The following CASP4 variants were observed in gnomAD, a reference collection of about 807,000 sequenced individuals.
The protein encoded by CASP4 is caspase-4.
CASP4 carries 29 observed loss-of-function variants against 41.3 expected under a neutral mutation model. That is an observed-to-expected ratio of 0.70 (90% CI 0.52 to 0.96). CASP4 has a LOEUF of 0.96. Ranked by LOEUF, CASP4 falls within the 40% of genes least tolerant of loss-of-function variation. The pLI, the probability that CASP4 is intolerant of heterozygous loss-of-function variation, is 0.00. For synonymous variants in CASP4, 185 were observed against 158.4 expected (o/e 1.17, Z -1.26); for missense variants, 447 against 460.6 (o/e 0.97, Z 0.27).
intron 1 of CASP4, among the ~76,000 whole-genome samples, chr11:104,967,451 G>C (rs1253012081): frequency 6.6e-6 from 1 of 152,102 alleles, no homozygotes; most frequent in African/African-American, 2.4e-5. Flanking sequence ...GTTTCAAAAG[G>C]TAGAAAAAAT....
chr11:104,946,862 A>G (rs543956948), intron 7 of CASP4: 24 of 361,566 alleles, frequency 6.6e-5, no homozygotes, highest in Non-Finnish European at 9.6e-5. Flanking sequence ...GCTCCATAAC[A>G]TAAAGCTTAT....
chr11:104,954,358 C>A (rs948102313), intron 2 of CASP4, among the ~76,000 whole-genome samples: 5 of 152,062 alleles, frequency 3.3e-5, no homozygotes, highest in African/African-American at 1.2e-4. Flanking sequence ...CTTAGACGAT[C>A]TTGTGAGAAA....
At chr11:104,954,686 C>A in intron 2 of CASP4, 61 bp downstream of exon 2, 1 of 1,462,250 alleles carries the variant, frequency 6.8e-7, no homozygotes, top group Non-Finnish European at 9.5e-7. Context: ...ACTGCTTAGG[C>A]CTTGGAGTTA....
In CASP4 at chr11:104,967,228, AT is replaced by A. The variant is rs575659861; in HGVS notation, c.7+1290del. ...ACTTGTTTTTGACTAGTGGCTTTCA[AT>A]TTACCCTATCTTTATCTAATGATCC... On this transcript the variant is annotated intron_variant, in intron 1 of 8. Coordinates refer to ENST00000444739, the MANE Select transcript of CASP4 (RefSeq NM_001225.4). Among the ~76,000 whole-genome samples the A allele has an allele frequency of 2.6e-4, 40 of 152,306 alleles. No homozygotes were observed. The East Asian group carries it at 7.0e-3, about 26-fold the overall frequency.
chr11:104,952,002 T>A lies in CASP4; in HGVS notation c.266A>T (p.His89Leu), dbSNP rs750503505. The change falls in exon 3 of 9, where the codon CAT becomes CTT. Residue 89 changes from histidine (H) to leucine (L), a missense_variant. By Grantham distance (99) the His-to-Leu change is moderately conservative. Coordinates refer to ENST00000444739, the MANE Select transcript of CASP4 (RefSeq NM_001225.4). ...IDQISPNKKA[H>L]PNMEAGPPES... is the part of the protein sequence containing the mutation. ...AGGTGGTCCAGCCTCCATATTCGGA[T>A]GAGCTGCAGGATATTGCAGAACATA... The A allele has an allele frequency of 1.1e-5, 17 of 1,594,414 alleles. No homozygotes were observed. The East Asian group carries it at 3.8e-4, about 36-fold the overall frequency.
In CASP4 at chr11:104,965,932, AC is replaced by A. The variant is rs1211158750; in HGVS notation, c.7+2586del. Among the ~76,000 whole-genome samples the A allele has an allele frequency of 3.9e-5, 6 of 152,110 alleles. No homozygotes were observed. The East Asian group carries it at 1.2e-3, about 29-fold the overall frequency. On this transcript the variant is annotated intron_variant, in intron 1 of 8. Coordinates refer to ENST00000444739, the MANE Select transcript of CASP4 (RefSeq NM_001225.4). The stretch of plus-strand genomic sequence containing the variant: ...CTAACCCAACCAGTTCTGCCATCAC[AC>A]CCAGGAAGAGAACACAGCAAGAAAA...
chr11:104,951,676 C>G, intron 3 of CASP4: 3 of 573,008 alleles, frequency 5.2e-6, no homozygotes, highest in Non-Finnish European at 9.5e-6. Context: ...AATAGAAATA[C>G]CAATTTTCTT....
chr11:104,961,399 C>T (rs1860855474), intron 1 of CASP4, among the ~76,000 whole-genome samples: 1 of 151,954 alleles, frequency 6.6e-6, no homozygotes, highest in South Asian at 2.1e-4. Context: ...TGTCTGTAGC[C>T]CCATTGCAGG....
intron 2 of CASP4, among the ~76,000 whole-genome samples, chr11:104,953,206 C>G (rs1371080937): frequency 6.6e-6 from 1 of 152,100 alleles, no homozygotes; most frequent in Non-Finnish European, 1.5e-5. Context: ...TGGATACACT[C>G]TAGGTACACT....
intron 2 of CASP4, 69 bp from the exon 3 acceptor site, chr11:104,952,074 CGA>C (rs1397504198): frequency 1.1e-6 from 1 of 928,024 alleles, no homozygotes; most frequent in East Asian, 2.4e-5. Flanking sequence ...CTAAGAAGAT[CGA>C]GAGAGAAGAC....
chr11:104,956,928 G>T (rs1251274047), intron 1 of CASP4, among the ~76,000 whole-genome samples: 1 of 152,104 alleles, frequency 6.6e-6, no homozygotes, highest in Non-Finnish European at 1.5e-5. Flanking sequence ...AACAAAAAAA[G>T]TCACATATGA....
At chr11:104,963,289 A>G (rs1860902891) in intron 1 of CASP4, among the ~76,000 whole-genome samples, 1 of 152,186 alleles carries the variant, frequency 6.6e-6, no homozygotes, top group Non-Finnish European at 1.5e-5. Flanking sequence ...TGCACACATA[A>G]GAGGCACTAA....
chr11:104,965,182 G>T (rs1197178233), intron 1 of CASP4, among the ~76,000 whole-genome samples: 2 of 152,174 alleles, frequency 1.3e-5, no homozygotes, highest in African/African-American at 4.8e-5. Flanking sequence ...TTTTAAAATT[G>T]AGAATTGTAC....
chr11:104,955,733 A>G (rs1443711084), intron 1 of CASP4, among the ~76,000 whole-genome samples: 3 of 152,096 alleles, frequency 2.0e-5, no homozygotes, highest in Non-Finnish European at 2.9e-5. Context: ...TAATTTGAAT[A>G]TTTATAAGGA....
intron 2 of CASP4, among the ~76,000 whole-genome samples, chr11:104,953,831 G>C (rs1209553520): frequency 6.6e-6 from 1 of 151,850 alleles, no homozygotes; most frequent in Non-Finnish European, 1.5e-5. Flanking sequence ...AATTCAATCT[G>C]GGTCAAAAGT....
rs773625877 is a variant in CASP4, at chr11:104,968,566, C to A, written c.-41G>T. The A allele has an allele frequency of 6.2e-7, 1 of 1,608,838 alleles. No homozygotes were observed. The highest frequency in any genetic ancestry group is 1.7e-5 in the Admixed American group (1 of 59,874). On this transcript the variant is annotated 5_prime_UTR_variant, in exon 1 of 9. Coordinates refer to ENST00000444739, the MANE Select transcript of CASP4 (RefSeq NM_001225.4). ...TCCTTTTTTACAGCGTTGGAAAGAG[C>A]CTCAGAGTCAAAAATGAAAGTAAAC... is the stretch of plus-strand genomic sequence containing the variant.
chr11:104,960,882 T>C (rs757053297), intron 1 of CASP4, among the ~76,000 whole-genome samples: 25 of 152,258 alleles, frequency 1.6e-4, no homozygotes, highest in African/African-American at 6.0e-4. Context: ...ATCTGCACTA[T>C]TTTTGGCATT....
chr11:104,947,965 A>G (rs1860504370), intron 6 of CASP4: 1 of 152,222 alleles, frequency 6.6e-6, no homozygotes, highest in Admixed American at 6.6e-5. Flanking sequence ...TAAATATGTA[A>G]CATTATGTAT....
chr11:104,961,172 TG>T (rs1464740423), intron 1 of CASP4, among the ~76,000 whole-genome samples: 3 of 152,238 alleles, frequency 2.0e-5, no homozygotes, highest in African/African-American at 7.2e-5. Context: ...GGGCTGGCTC[TG>T]GTACTCTCTC....
Sources: gnomAD v4.1 joint callset for allele counts (sites outside exome capture counted in the v4.1 genomes callset) on GRCh38, gnomAD v4.1.1 for gene constraint, MANE v1.5 for transcripts, NCBI Gene and HGNC (gene_info 2026-07-23, HGNC 2026-07-21) for gene names.